The following SBSPON variants were observed in gnomAD, a reference collection of about 807,000 sequenced individuals.
The protein encoded by SBSPON is somatomedin B and thrombospondin type 1 domain containing.
A neutral mutation model predicts 35.8 loss-of-function variants in SBSPON; 30 were observed. The ratio of observed to expected loss-of-function variants is 0.84; its 90% CI spans 0.63 to 1.14. The LOEUF is 1.14. Ranked by LOEUF, SBSPON falls within the 50% of genes most tolerant of loss-of-function variation. The pLI, the probability that SBSPON is intolerant of heterozygous loss-of-function variation, is 0.00. For missense variants in SBSPON, 364 were observed against 357.7 expected (o/e 1.02, Z -0.14); for synonymous variants, 136 against 135.9 (o/e 1.00, Z 0.00).
Position 73,092,848 on chromosome 8 carries a change from A to G in SBSPON, c.214+6T>C. On this transcript the variant is annotated splice_donor_region_variant and intron_variant, in intron 1 of 4. Transcript: ENST00000297354. ...CCGGCGCCCCACTCTCGGCCTGACCACCCACCTGGGCACGCCCTGTCGTAG... is the reference window on the plus strand; with the variant it reads ...CCGGCGCCCCACTCTCGGCCTGACCGCCCACCTGGGCACGCCCTGTCGTAG... 6.2e-7 allele frequency: 1 copy of G among 1,607,758 alleles called. No individual in the cohort carries two copies. Among genetic ancestry groups the G allele is most frequent in the Non-Finnish European group, 8.5e-7 (1 of 1,177,554 alleles).
At chr8:73,089,993 C>A (rs900896287) in intron 1 of SBSPON, among the ~76,000 whole-genome samples, 5 of 152,224 alleles carry the variant, frequency 3.3e-5, no homozygotes, top group Admixed American at 2.0e-4. Flanking sequence ...GATCCTCCCA[C>A]CTCAGCCTTC....
chr8:73,087,761 G>A (rs1489744271), intron 1 of SBSPON, among the ~76,000 whole-genome samples: 3 of 152,168 alleles, frequency 2.0e-5, no homozygotes, highest in African/African-American at 7.2e-5. Context: ...GCTATTCAAT[G>A]TTTGTCCTGC....
intron 1 of SBSPON, among the ~76,000 whole-genome samples, chr8:73,089,857 C>G (rs1057326950): frequency 6.6e-6 from 1 of 152,162 alleles, no homozygotes; most frequent in Non-Finnish European, 1.5e-5. Flanking sequence ...CAGTCCCACA[C>G]AGTGGTTTCA....
chr8:73,069,494 T>G (rs1392736939), intron 4 of SBSPON, among the ~76,000 whole-genome samples: 1 of 152,076 alleles, frequency 6.6e-6, no homozygotes, highest in Non-Finnish European at 1.5e-5. Flanking sequence ...TGGTCCCAAC[T>G]CCTGAGCTCA....
At chr8:73,088,515 T>C (rs1483492201) in intron 1 of SBSPON, among the ~76,000 whole-genome samples, 1 of 151,994 alleles carries the variant, frequency 6.6e-6, no homozygotes, top group Non-Finnish European at 1.5e-5. Flanking sequence ...AAACTTCGTC[T>C]CCACAAAAAA....
chr8:73,076,692 C>T (rs1247406981), intron 2 of SBSPON, among the ~76,000 whole-genome samples: 7 of 151,536 alleles, frequency 4.6e-5, no homozygotes, highest in Admixed American at 1.3e-4. Flanking sequence ...AGAAAGGCAC[C>T]GAGAAATGCA....
intron 4 of SBSPON, among the ~76,000 whole-genome samples, chr8:73,068,794 G>A (rs990343811): frequency 2.6e-5 from 4 of 152,320 alleles, no homozygotes; most frequent in Admixed American, 2.0e-4. Context: ...CTAGGACCCC[G>A]TAGAGGCCAA....
chr8:73,084,883 T>C (rs1810794444), intron 1 of SBSPON, among the ~76,000 whole-genome samples: 1 of 152,186 alleles, frequency 6.6e-6, no homozygotes, highest in Admixed American at 6.5e-5. Context: ...GTGTTTATTA[T>C]TGATGCCCCT....
intron 1 of SBSPON, among the ~76,000 whole-genome samples, chr8:73,090,960 AAAGACAGGG>A: frequency 3.3e-5 from 5 of 152,304 alleles, no homozygotes; most frequent in African/African-American, 1.2e-4. Flanking sequence ...TTGACCAAAT[AAAGACAGGG>A]TTTTCCAATT....
intron 2 of SBSPON, among the ~76,000 whole-genome samples, chr8:73,080,766 T>C (rs971293763): frequency 1.3e-5 from 2 of 152,128 alleles, no homozygotes. Context: ...ACTGAGTCCG[T>C]GCACAATGAG....
intron 1 of SBSPON, among the ~76,000 whole-genome samples, chr8:73,086,104 C>A (rs939844739): frequency 1.3e-5 from 2 of 152,154 alleles, no homozygotes; most frequent in East Asian, 1.9e-4. Context: ...CTATTATCCC[C>A]CAACACCCAC....
In SBSPON at chr8:73,066,094, A is replaced by C. The variant is rs895462400; in HGVS notation, c.*1247T>G. 1.3e-5 allele frequency: 2 copies of C among 152,216 alleles called. No individual in the cohort carries two copies. The highest frequency in any genetic ancestry group is 4.8e-5 in the African/African-American group (2 of 41,442). 9.4% of individuals were successfully genotyped at this position (152,216 alleles called of 1,614,324 possible). A position where few individuals can be genotyped will look rare whatever the true frequency, so the allele number is the denominator to read the frequency against. ...GGACCAAGAAATACGTATTTTAGTA[A>C]ATCATTTGTTAGTGAATATTATTCA... is the stretch of plus-strand genomic sequence containing the variant. On this transcript the variant is annotated 3_prime_UTR_variant, in exon 5 of 5. Coordinates refer to ENST00000297354, the MANE Select transcript of SBSPON (RefSeq NM_153225.4).
chr8:73,080,985 A>G (rs1281413459), intron 2 of SBSPON, 34 bp downstream of exon 2: 2 of 1,515,954 alleles, frequency 1.3e-6, no homozygotes, highest in Non-Finnish European at 1.8e-6. Context: ...GTCATCACAG[A>G]TAACAAAGGC....
chr8:73,088,089 A>G (rs373440124), intron 1 of SBSPON, among the ~76,000 whole-genome samples: 17 of 152,310 alleles, frequency 1.1e-4, no homozygotes, highest in African/African-American at 4.1e-4. Flanking sequence ...TGTCATAAGG[A>G]GATTTCCTGA....
At chr8:73,081,677 C>T (rs1411497436) in intron 1 of SBSPON, among the ~76,000 whole-genome samples, 1 of 152,072 alleles carries the variant, frequency 6.6e-6, no homozygotes, top group African/African-American at 2.4e-5. Context: ...TGTACTTCAC[C>T]CACCAACAAT....
At chr8:73,073,716 A>G (rs1810538869) in intron 2 of SBSPON, among the ~76,000 whole-genome samples, 2 of 151,940 alleles carry the variant, frequency 1.3e-5, no homozygotes, top group African/African-American at 2.4e-5. Flanking sequence ...GGCTGGGAAA[A>G]TCACTTGAAC....
intron 1 of SBSPON, among the ~76,000 whole-genome samples, chr8:73,089,797 A>G (rs969468295): frequency 1.3e-5 from 2 of 152,210 alleles, no homozygotes; most frequent in East Asian, 3.9e-4. Flanking sequence ...ACCACATGCC[A>G]GGTGCAGTGC....
intron 1 of SBSPON, among the ~76,000 whole-genome samples, chr8:73,084,488 C>A (rs1263930588): frequency 6.6e-6 from 1 of 152,176 alleles, no homozygotes; most frequent in Non-Finnish European, 1.5e-5. Flanking sequence ...CTGGCATCTG[C>A]CTGACCTTCC....
At chr8:73,091,271 G>A (rs1411897095) in intron 1 of SBSPON, among the ~76,000 whole-genome samples, 2 of 152,204 alleles carry the variant, frequency 1.3e-5, no homozygotes, top group Admixed American at 6.5e-5. Flanking sequence ...ACTTCCTCAG[G>A]TGAGTCTTCC....
Sources: gnomAD v4.1 joint callset for allele counts (sites outside exome capture counted in the v4.1 genomes callset) on GRCh38, gnomAD v4.1.1 for gene constraint, MANE v1.5 for transcripts, NCBI Gene and HGNC (gene_info 2026-07-23, HGNC 2026-07-21) for gene names.